Variants in CPAMD8 observed in about 807,000 individuals in gnomAD.
The protein encoded by CPAMD8 is C3 and PZP like alpha-2-macroglobulin domain containing 8.
A neutral mutation model predicts 224.7 loss-of-function variants in CPAMD8; 146 were observed. The ratio of observed to expected loss-of-function variants is 0.65; its 90% CI spans 0.57 to 0.75. CPAMD8 has a LOEUF of 0.75. Ranked by LOEUF, CPAMD8 falls within the 30% of genes least tolerant of loss-of-function variation. CPAMD8 has a pLI of 0.00. For missense variants in CPAMD8, 2,301 were observed against 2,537.5 expected (o/e 0.91, Z 2.00); for synonymous variants, 966 against 1,044.6 (o/e 0.92, Z 1.45).
intron 35 of CPAMD8, 55 bp downstream of exon 35, chr19:16,902,594 C>T (rs2052304028): frequency 8.7e-7 from 1 of 1,149,152 alleles, no homozygotes; most frequent in Non-Finnish European, 1.3e-6. Flanking sequence ...AGGCCATCCT[C>T]TCCGCACATT....
rs187698564 is a variant in CPAMD8, at chr19:16,911,124, C to T, written c.3861+3300G>A. 7.6e-4 allele frequency among the ~76,000 whole-genome samples: 116 copies of T among 152,286 alleles called. 1 individual carries two copies. The East Asian group carries it at 0.016, about 21-fold the overall frequency. ...ATCTAAGACAGGGGTCCCCAACCTC[C>T]GGGTCACAGACTGGTACCGGTTGGT... On this transcript the variant is annotated intron_variant, in intron 29 of 41. Coordinates refer to ENST00000443236, the MANE Select transcript of CPAMD8 (RefSeq NM_015692.5).
At chr19:16,997,596 A>T (rs1173231046) in intron 10 of CPAMD8, among the ~76,000 whole-genome samples, 1 of 152,118 alleles carries the variant, frequency 6.6e-6, no homozygotes, top group African/African-American at 2.4e-5. Context: ...CACGCCTGTA[A>T]TCCCAGCACT....
chr19:16,954,026 C>T (rs558830043), intron 19 of CPAMD8, among the ~76,000 whole-genome samples: 66 of 152,086 alleles, frequency 4.3e-4, no homozygotes, highest in Admixed American at 1.6e-3. Context: ...TTTGGGAGGC[C>T]GAGGTGGGTG....
Position 16,896,664 on chromosome 19 carries a change from G to C in CPAMD8, c.5067C>G (p.Gly1689=). 6.9e-7 allele frequency: 1 copy of C among 1,453,716 alleles called. No homozygotes were observed. Among genetic ancestry groups the C allele is most frequent in the Non-Finnish European group, 9.0e-7 (1 of 1,105,550 alleles). 90.1% of individuals were successfully genotyped at this position (1,453,716 alleles called of 1,614,324 possible). Residue 1689 remains glycine (G), a splice_region_variant and synonymous_variant, in exon 40 of 42, where the codon GGC becomes GGG. Coordinates refer to ENST00000443236, the MANE Select transcript of CPAMD8 (RefSeq NM_015692.5). The stretch of plus-strand genomic sequence containing the variant: ...CAGGGCCCGACTCGCCGGGGAACCA[G>C]CCTGGGGGACGAGGCAGGCTCGACA... ...EVERAPARGP[G]WFPGESGPAV...
At chr19:16,963,823 C>G (rs551600900) in intron 18 of CPAMD8, among the ~76,000 whole-genome samples, 1 of 152,140 alleles carries the variant, frequency 6.6e-6, no homozygotes, top group South Asian at 2.1e-4. Context: ...TGTAAAAGAA[C>G]AGAAATCACA....
rs115270203 is a variant in CPAMD8, at chr19:16,977,740, G to T, written c.1586-200C>A. ...ACTCTTTCTATTGACTCAGCTCTAG[G>T]GTCACCATGGGCTCCTACAGAGCAG... is the stretch of plus-strand genomic sequence containing the variant. On this transcript the variant is annotated intron_variant, in intron 14 of 41. Transcript: ENST00000443236. Among the ~76,000 whole-genome samples the T allele has an allele frequency of 9.7e-3, 1,473 of 152,200 alleles. 23 individuals carry two copies. Among genetic ancestry groups the T allele is most frequent in the African/African-American group, 0.031 (1,301 of 41,534 alleles).
chr19:16,917,083 T>C (rs1317312999), intron 27 of CPAMD8, among the ~76,000 whole-genome samples: 6 of 152,154 alleles, frequency 3.9e-5, no homozygotes, highest in Non-Finnish European at 7.4e-5. Flanking sequence ...ATAAATGTTA[T>C]CAAGTGATAA....
Position 16,973,438 on chromosome 19 carries a change from CT to C in CPAMD8, c.2070+1658del, listed in dbSNP as rs1271740473. On this transcript the variant is annotated intron_variant, in intron 17 of 41. Transcript: ENST00000443236. ...GTGGCGTGATCACTGTAACCTCCGC[CT>C]CCCAGTTCCAGAGCTTCTCCTGCCT... 2.0e-5 allele frequency among the ~76,000 whole-genome samples: 3 copies of C among 152,102 alleles called. No homozygotes were observed. In the East Asian group the frequency reaches 5.8e-4, roughly 29 times the overall value.
chr19:16,989,202 C>T (rs910999555), intron 13 of CPAMD8, among the ~76,000 whole-genome samples: 1 of 152,148 alleles, frequency 6.6e-6, no homozygotes, highest in Non-Finnish European at 1.5e-5. Context: ...ATCCCCCGTG[C>T]CCGTGCCCCC....
intron 41 of CPAMD8, chr19:16,895,533 A>G: frequency 4.6e-6 from 1 of 215,990 alleles, no homozygotes; most frequent in Non-Finnish European, 9.5e-6. Flanking sequence ...TTGAGGGGAG[A>G]GATGAAGTTA....
At chr19:16,961,787 G>A (rs2054666434) in intron 18 of CPAMD8, among the ~76,000 whole-genome samples, 1 of 152,186 alleles carries the variant, frequency 6.6e-6, no homozygotes, top group Non-Finnish European at 1.5e-5. Context: ...ACCTCATATA[G>A]GCGGGTACCC....
intron 3 of CPAMD8, among the ~76,000 whole-genome samples, chr19:17,016,011 A>C (rs543344704): frequency 3.3e-4 from 50 of 152,242 alleles, no homozygotes; most frequent in African/African-American, 9.4e-4. Flanking sequence ...TGGTGCGATC[A>C]CGTCTCACTG....
intron 13 of CPAMD8, among the ~76,000 whole-genome samples, chr19:16,982,624 C>T (rs2055553462): frequency 1.3e-5 from 2 of 151,874 alleles, no homozygotes; most frequent in Admixed American, 1.3e-4. Flanking sequence ...TGCTTGAGTT[C>T]AGGAGTTCAA....
At position 16,945,663 on chromosome 19, in the gene CPAMD8, G is replaced by A. The variant is rs201266081; in HGVS notation, c.2679C>T (p.Tyr893=). The stretch of plus-strand genomic sequence containing the variant: ...CATCCCGGCAGCAATTTGTGTCTCC[G>A]TAAGCAAGGGCTTTGGCTGCAGAAA... ...LNNITAKALA[Y]GDTNCCRDGR... is the part of the protein sequence containing the mutation. The change falls in exon 22 of 42, where the codon TAC becomes TAT. Residue 893 remains tyrosine (Y), a synonymous_variant. Transcript: ENST00000443236. 854 of 1,614,082 alleles carry A rather than the reference G, an allele frequency of 5.3e-4. 2 individuals carry two copies. In the Middle Eastern group the frequency reaches 0.011, roughly 21 times the overall value.
rs1439452515 is a variant in CPAMD8, at chr19:16,905,973, G to A, written c.4027+979C>T. Among the ~76,000 whole-genome samples the A allele has an allele frequency of 3.3e-5, 5 of 152,010 alleles. 1 individual carries two copies. In the South Asian group the frequency reaches 8.3e-4, roughly 25 times the overall value. On this transcript the variant is annotated intron_variant, in intron 30 of 41. Transcript: ENST00000443236. ...AGCAAGTGGAGGGAAGGGTGGAAGC[G>A]AGACCCAACCCTCCCCTGTCTCCCA...
intron 11 of CPAMD8, 66 bp downstream of exon 11, chr19:16,997,045 G>A: frequency 1.0e-6 from 1 of 963,644 alleles, no homozygotes; most frequent in Non-Finnish European, 1.7e-6. Flanking sequence ...TGCAGAGCTA[G>A]TGGCTAGTGG....
At position 16,957,706 on chromosome 19, in the gene CPAMD8, G is replaced by A. The variant is rs1599781278; in HGVS notation, c.2276+147C>T. On this transcript the variant is annotated intron_variant, in intron 19 of 41. Coordinates refer to ENST00000443236, the MANE Select transcript of CPAMD8 (RefSeq NM_015692.5). ...GGACTCAAGGCTGGCTTCATGGCTT[G>A]AAGTTTTGTGTGTTAGAAAAAGATG... is the stretch of plus-strand genomic sequence containing the variant. 3 of 747,454 alleles carry A rather than the reference G, an allele frequency of 4.0e-6. No individual in the cohort carries two copies. The Admixed American group carries it at 7.0e-5, about 17-fold the overall frequency. 46.3% of individuals were successfully genotyped at this position (747,454 alleles called of 1,614,324 possible). A position where few individuals can be genotyped will look rare whatever the true frequency, so the allele number is the denominator to read the frequency against.
intron 23 of CPAMD8, among the ~76,000 whole-genome samples, chr19:16,930,803 A>G (rs991430670): frequency 1.3e-5 from 2 of 152,282 alleles, no homozygotes; most frequent in South Asian, 2.1e-4. Flanking sequence ...AGGGCACCGT[A>G]TCGAGATCCT....
chr19:16,980,347 T>A, intron 14 of CPAMD8, 150 bp downstream of exon 14: 1 of 657,886 alleles, frequency 1.5e-6, no homozygotes. Context: ...CTGGACCCAG[T>A]CTGGTATTGT....
Sources: gnomAD v4.1 joint callset for allele counts (sites outside exome capture counted in the v4.1 genomes callset) on GRCh38, gnomAD v4.1.1 for gene constraint, MANE v1.5 for transcripts, NCBI Gene and HGNC (gene_info 2026-07-23, HGNC 2026-07-21) for gene names.